Variants in DOCK4 observed in about 807,000 individuals in gnomAD.
DOCK4 encodes dedicator of cytokinesis protein 4.
A neutral mutation model predicts 268.1 loss-of-function variants in DOCK4; 97 were observed. The observed-to-expected ratio is 0.36, with a 90% CI of 0.31 to 0.43. The LOEUF (loss-of-function observed/expected upper bound fraction) is 0.43. DOCK4 is among the 20% of genes least tolerant of loss of function. The pLI, the probability that DOCK4 is intolerant of heterozygous loss-of-function variation, is 1.00. For synonymous variants in DOCK4, 954 were observed against 887.2 expected (o/e 1.08, Z -1.34); for missense variants, 2,145 against 2,455.7 (o/e 0.87, Z 2.67).
intron 23 of DOCK4, among the ~76,000 whole-genome samples, chr7:111,854,197 T>A (rs907921029): frequency 1.3e-5 from 2 of 152,170 alleles, no homozygotes; most frequent in Admixed American, 1.3e-4. Flanking sequence ...AAGGCAGAAA[T>A]GAAATTCACA....
chr7:112,188,954 A>T (rs1307914866), intron 1 of DOCK4, among the ~76,000 whole-genome samples: 1 of 152,228 alleles, frequency 6.6e-6, no homozygotes, highest in Non-Finnish European at 1.5e-5. Context: ...ACTGCAAATG[A>T]GAAAGAGGGT....
intron 6 of DOCK4, among the ~76,000 whole-genome samples, chr7:111,985,771 T>C (rs1799006164): frequency 1.3e-5 from 2 of 152,194 alleles, no homozygotes. Context: ...ATAAACACTG[T>C]GATTTGTTTT....
At chr7:112,196,520 A>C (rs1298811768) in intron 1 of DOCK4, among the ~76,000 whole-genome samples, 1 of 152,052 alleles carries the variant, frequency 6.6e-6, no homozygotes, top group Admixed American at 6.6e-5. Context: ...CTCGTTTCTG[A>C]GAGTGGTCAT....
At chr7:111,900,627 C>T in intron 14 of DOCK4, 91 bp from the exon 15 acceptor site, 1 of 1,331,458 alleles carries the variant, frequency 7.5e-7, no homozygotes, top group Non-Finnish European at 1.0e-6. Flanking sequence ...ATCTGCCTGC[C>T]TCTCAAATAG....
Position 111,977,125 on chromosome 7 carries a change from C to T in DOCK4, c.701+7G>A. On this transcript the variant is annotated splice_region_variant and intron_variant, in intron 8 of 52. Transcript: ENST00000428084. ...GACATTGAAACCCTATCTCCACGTGCAGGTACCTGATTGGCCGGTTCTCTT... is the reference window on the plus strand; with the variant it reads ...GACATTGAAACCCTATCTCCACGTGTAGGTACCTGATTGGCCGGTTCTCTT... 1 of 1,613,026 alleles carries T rather than the reference C, an allele frequency of 6.2e-7. No homozygotes were observed. Among genetic ancestry groups the T allele is most frequent in the Non-Finnish European group, 8.5e-7 (1 of 1,179,538 alleles).
At chr7:111,759,144 A>G (rs1318963689) in intron 40 of DOCK4, among the ~76,000 whole-genome samples, 1 of 152,150 alleles carries the variant, frequency 6.6e-6, no homozygotes, top group East Asian at 1.9e-4. Flanking sequence ...GATAATCCTA[A>G]TCCTTGTTCA....
chr7:111,989,179 A>T lies in DOCK4; in HGVS notation c.316-16T>A. The T allele has an allele frequency of 1.2e-6, 2 of 1,613,496 alleles. No homozygotes were observed. The highest frequency in any genetic ancestry group is 1.7e-6 in the Non-Finnish European group (2 of 1,179,622). ...CTTCATTACGCTAAGAAATATACAA[A>T]TGTGGAGATTTGGCAGTCAGTACCT... On this transcript the variant is annotated splice_polypyrimidine_tract_variant and intron_variant, in intron 5 of 52. Transcript: ENST00000428084.
At chr7:111,909,308 C>G (rs1379202287) in intron 13 of DOCK4, among the ~76,000 whole-genome samples, 1 of 152,224 alleles carries the variant, frequency 6.6e-6, no homozygotes, top group Non-Finnish European at 1.5e-5. Context: ...GCATAACTGT[C>G]TTCTTTTGAG....
intron 1 of DOCK4, among the ~76,000 whole-genome samples, chr7:112,172,062 AC>A (rs1818132281): frequency 2.0e-5 from 3 of 152,108 alleles, no homozygotes; most frequent in Admixed American, 2.0e-4. Flanking sequence ...TTTTAACTTA[AC>A]CACCTATTTA....
intron 1 of DOCK4, among the ~76,000 whole-genome samples, chr7:112,015,059 T>C (rs568934305): frequency 2.0e-5 from 3 of 152,228 alleles, no homozygotes; most frequent in South Asian, 4.1e-4. Context: ...TTCTTAGTCA[T>C]AGGATGAATT....
At chr7:111,926,895 A>AAGG (rs1400509864) in intron 12 of DOCK4, among the ~76,000 whole-genome samples, 1 of 151,966 alleles carries the variant, frequency 6.6e-6, no homozygotes, top group Non-Finnish European at 1.5e-5. Flanking sequence ...GGAAGGAAGG[A>AAGG]AAGAAGGAAG....
intron 1 of DOCK4, among the ~76,000 whole-genome samples, chr7:112,030,854 A>T (rs576888305): frequency 1.3e-5 from 2 of 152,320 alleles, no homozygotes; most frequent in African/African-American, 2.4e-5. Context: ...GCAAGTTTGA[A>T]TTTTGGGCGA....
At chr7:111,859,275 G>A (rs535442770) in intron 23 of DOCK4, among the ~76,000 whole-genome samples, 163 of 152,286 alleles carry the variant, frequency 1.1e-3, no homozygotes, top group Non-Finnish European at 2.0e-3. Flanking sequence ...GGACCAGTAG[G>A]ATAAGAAGTT....
intron 1 of DOCK4, among the ~76,000 whole-genome samples, chr7:112,138,443 T>A (rs561014854): frequency 1.3e-5 from 2 of 152,328 alleles, no homozygotes; most frequent in South Asian, 4.1e-4. Context: ...GGTTACAGTC[T>A]CTCAGATACA....
intron 13 of DOCK4, among the ~76,000 whole-genome samples, chr7:111,908,117 T>G (rs921506397): frequency 8.5e-5 from 13 of 152,140 alleles, no homozygotes; most frequent in Non-Finnish European, 1.6e-4. Context: ...TTCAATTCCA[T>G]CTGTTGATGT....
intron 1 of DOCK4, among the ~76,000 whole-genome samples, chr7:112,097,119 C>A (rs1810214752): frequency 6.6e-6 from 1 of 152,132 alleles, no homozygotes; most frequent in Admixed American, 6.5e-5. Flanking sequence ...CAAATACCCA[C>A]CCAGAAGAGA....
At chr7:111,826,683 A>G (rs1802418687) in intron 26 of DOCK4, among the ~76,000 whole-genome samples, 1 of 152,060 alleles carries the variant, frequency 6.6e-6, no homozygotes, top group South Asian at 2.1e-4. Flanking sequence ...TAATCATTGG[A>G]TACACACTGA....
rs764206731 is a variant in DOCK4, at chr7:111,888,469, G to T, written c.1587+7143C>A. Reference sequence around the variant, plus strand: ...TGTGGTCAGAATATTGGGAGTTTATGATTTTTGATATGAAGTGCTTCTGGA... The same window carrying T: ...TGTGGTCAGAATATTGGGAGTTTATTATTTTTGATATGAAGTGCTTCTGGA... On this transcript the variant is annotated intron_variant, in intron 16 of 52. Transcript: ENST00000428084. Among the ~76,000 whole-genome samples the T allele has an allele frequency of 9.5e-4, 145 of 151,892 alleles. 1 individual carries two copies. Among genetic ancestry groups the T allele is most frequent in the Non-Finnish European group, 3.8e-4 (26 of 67,932 alleles).
intron 16 of DOCK4, among the ~76,000 whole-genome samples, chr7:111,890,711 A>G (rs1808221779): frequency 6.6e-6 from 1 of 152,170 alleles, no homozygotes. Context: ...ACACATTGAG[A>G]AGTGAAGTCC....
Sources: allele counts gnomAD v4.1 joint callset (sites outside exome capture counted in the v4.1 genomes callset), GRCh38; gene constraint gnomAD v4.1.1; transcripts MANE v1.5; gene names NCBI Gene and HGNC (gene_info 2026-07-23, HGNC 2026-07-21).